The following SNX19 variants were observed in gnomAD, a reference collection of about 807,000 sequenced individuals.
The protein encoded by SNX19 is sorting nexin 19, also known as sorting nexin-19.
SNX19 carries 60 observed loss-of-function variants against 85.2 expected under a neutral mutation model. The observed-to-expected ratio is 0.70, with a 90% confidence interval of 0.57 to 0.87. The LOEUF is 0.87. Ranked by LOEUF, SNX19 falls within the 40% of genes least tolerant of loss-of-function variation. The pLI, the probability that SNX19 is intolerant of heterozygous loss-of-function variation, is 0.00. For synonymous variants in SNX19, 520 were observed against 470.0 expected (o/e 1.11, Z -1.38); for missense variants, 1,201 against 1,217.8 (o/e 0.99, Z 0.21).
chr11:130,883,349 C>A (rs1432070368), intron 8 of SNX19, among the ~76,000 whole-genome samples: 1 of 152,138 alleles, frequency 6.6e-6, no homozygotes, highest in East Asian at 1.9e-4. Context: ...GTATCAGCTG[C>A]TGATGAGACA....
chr11:130,915,071 G>A lies in SNX19; in HGVS notation c.869C>T (p.Ser290Phe). ...SAPEQPSVPTSLPLIAEVEQL... is the reference protein window; with the variant it reads ...SAPEQPSVPTFLPLIAEVEQL... ...CTCTACCTCAGCAATCAGTGGCAGA[G>A]ATGTCGGCACTGAGGGCTGTTCGGG... is the stretch of plus-strand genomic sequence containing the variant. Residue 290 changes from serine to phenylalanine, a missense_variant, in exon 1 of 11, where the codon TCT becomes TTT. Around this residue, in one of 3 missense-constraint regions of SNX19, gnomAD observed 791 missense variants for 750.9 expected, o/e 1.05. Coordinates refer to ENST00000265909, the MANE Select transcript of SNX19 (RefSeq NM_014758.3). 6.2e-7 allele frequency: 1 copy of A among 1,614,118 alleles called. No individual in the cohort carries two copies. Among genetic ancestry groups the A allele is most frequent in the Non-Finnish European group, 8.5e-7 (1 of 1,179,998 alleles).
At chr11:130,903,747 A>ACACG (rs1407850393) in intron 7 of SNX19, among the ~76,000 whole-genome samples, 1 of 150,554 alleles carries the variant, frequency 6.6e-6, no homozygotes, top group African/African-American at 2.5e-5. Flanking sequence ...ACACACACAC[A>ACACG]CACGCACTTA....
chr11:130,866,782 C>T lies in SNX19; in HGVS notation c.*11640G>A, dbSNP rs1252327207. On this transcript the variant is annotated 3_prime_UTR_variant, in exon 11 of 11. Transcript: ENST00000265909. The stretch of plus-strand genomic sequence containing the variant: ...AAACACTGAAGGCTTTAGGTTCATA[C>T]CTGTATACGAAGGATAGTCCTGGTG... The T allele has an allele frequency of 1.3e-5, 2 of 152,190 alleles. No individual in the cohort carries two copies. Among genetic ancestry groups the T allele is most frequent in the Non-Finnish European group, 2.9e-5 (2 of 68,038 alleles). The allele number at this position is 152,190 out of a possible 1,614,324, so 9.4% of individuals were successfully genotyped here.
rs750272464 is a variant in SNX19, at chr11:130,916,318, C to T, written c.-379G>A. 2.2e-4 allele frequency: 46 copies of T among 210,718 alleles called. No homozygotes were observed. The highest frequency in any genetic ancestry group is 3.8e-4 in the Non-Finnish European group (39 of 102,658). The allele number at this position is 210,718 out of a possible 1,614,324, so 13.1% of individuals were successfully genotyped here. On this transcript the variant is annotated 5_prime_UTR_variant, in exon 1 of 11. In the 5' UTR this introduces an upstream ATG that the reference lacks. Transcript: ENST00000265909. ...AGCGGCCGGCGAAGACTGGGTCACA[C>T]GCCGCCGGGAACCGCGCGCCCACAC...
chr11:130,899,320 C>A (rs1945093457), intron 8 of SNX19, among the ~76,000 whole-genome samples: 1 of 152,162 alleles, frequency 6.6e-6, no homozygotes, highest in African/African-American at 2.4e-5. Flanking sequence ...AGGTATGAGA[C>A]CATGGGCCAC....
chr11:130,914,304 C>T lies in SNX19; in HGVS notation c.1636G>A (p.Gly546Ser). The change falls in exon 1 of 11, where the codon GGC (glycine) becomes AGC (serine). Residue 546 changes from glycine to serine, a missense_variant. This residue lies in a region of SNX19 where 791 missense variants were observed against 750.9 expected (regional missense o/e 1.05). Coordinates refer to ENST00000265909, the MANE Select transcript of SNX19 (RefSeq NM_014758.3). ...TGTITAREHS[G>S]TGFHPYTLYT... ...AGTGTGTATGGGTGGAATCCAGTGC[C>T]ACTGTGCTCTCGGGCTGTAATGGTG... 3 of 1,603,478 alleles carry T rather than the reference C, an allele frequency of 1.9e-6. No individual in the cohort carries two copies. The highest frequency in any genetic ancestry group is 2.6e-6 in the Non-Finnish European group (3 of 1,174,572).
chr11:130,878,616 A>G, intron 10 of SNX19, 62 bp from the exon 11 acceptor site: 1 of 1,562,044 alleles, frequency 6.4e-7, no homozygotes, highest in Non-Finnish European at 8.7e-7. Flanking sequence ...GATCCTGTTT[A>G]TGACATTTAT....
Position 130,873,492 on chromosome 11 carries a change from A to C in SNX19, c.*4930T>G, listed in dbSNP as rs111962247. Among the ~76,000 whole-genome samples, 16 of 152,164 alleles carry C rather than the reference A, an allele frequency of 1.1e-4. No homozygotes were observed. Among genetic ancestry groups the C allele is most frequent in the Non-Finnish European group, 2.9e-5 (2 of 68,024 alleles). On this transcript the variant is annotated 3_prime_UTR_variant, in exon 11 of 11. Coordinates refer to ENST00000265909, the MANE Select transcript of SNX19 (RefSeq NM_014758.3). The stretch of plus-strand genomic sequence containing the variant: ...ATATACTACGTAGACTCAGAGGCAG[A>C]TTGACATGGTTTGTATCTAGGCTCT...
chr11:130,878,686 G>A, intron 10 of SNX19, 132 bp from the exon 11 acceptor site: 3 of 1,143,326 alleles, frequency 2.6e-6, no homozygotes, highest in Non-Finnish European at 3.6e-6. Context: ...CCTCTGCCAT[G>A]AAATTAATGT....
rs142257482 is a variant in SNX19, at chr11:130,891,864, A to G, written c.2574-11058T>C. On this transcript the variant is annotated intron_variant, in intron 8 of 10. Transcript: ENST00000265909. Reference sequence around the variant, plus strand: ...GTTTTTTCTTTTTTTTTTTTTTGAGACAGTCTCATTCTGTCGCCCAGGCTG... The same window carrying G: ...GTTTTTTCTTTTTTTTTTTTTTGAGGCAGTCTCATTCTGTCGCCCAGGCTG... Among the ~76,000 whole-genome samples the G allele has an allele frequency of 4.3e-3, 600 of 139,956 alleles. 5 individuals are homozygous for G. The highest frequency in any genetic ancestry group is 0.014 in the African/African-American group (550 of 38,384). The allele number at this position is 139,956 out of a possible 152,430, so 91.8% of individuals were successfully genotyped here.
intron 8 of SNX19, among the ~76,000 whole-genome samples, chr11:130,888,593 C>T (rs1270949232): frequency 1.3e-5 from 2 of 152,126 alleles, no homozygotes; most frequent in Non-Finnish European, 2.9e-5. Context: ...TCCCCATTGC[C>T]CTTCCCAAAT....
Position 130,916,026 on chromosome 11 carries a change from A to T in SNX19, c.-87T>A. On this transcript the variant is annotated 5_prime_UTR_variant, in exon 1 of 11. Coordinates refer to ENST00000265909, the MANE Select transcript of SNX19 (RefSeq NM_014758.3). Reference sequence around the variant, plus strand: ...GGAAGGGGGGCATGAACTGTGTCTCAGATATGGGGCGATCTGGGTGCTGTT... The same window carrying T: ...GGAAGGGGGGCATGAACTGTGTCTCTGATATGGGGCGATCTGGGTGCTGTT... 8.1e-7 allele frequency: 1 copy of T among 1,239,508 alleles called. No individual in the cohort carries two copies. Among genetic ancestry groups the T allele is most frequent in the Non-Finnish European group, 1.1e-6 (1 of 886,622 alleles). The allele number at this position is 1,239,508 out of a possible 1,614,324, so 76.8% of individuals were successfully genotyped here.
chr11:130,916,014 G>GAACT lies in SNX19; in HGVS notation c.-79_-76dup. The GAACT allele has an allele frequency of 7.4e-7, 1 of 1,359,872 alleles. No homozygotes were observed. The highest frequency in any genetic ancestry group is 1.0e-6 in the Non-Finnish European group (1 of 987,966). The allele number at this position is 1,359,872 out of a possible 1,614,324, so 84.2% of individuals were successfully genotyped here. On this transcript the variant is annotated 5_prime_UTR_variant, in exon 1 of 11. Coordinates refer to ENST00000265909, the MANE Select transcript of SNX19 (RefSeq NM_014758.3). ...CTTCAGAGTTAGGGAAGGGGGGCAT[G>GAACT]AACTGTGTCTCAGATATGGGGCGAT...
chr11:130,891,233 A>G (rs1469029377), intron 8 of SNX19, among the ~76,000 whole-genome samples: 2 of 152,220 alleles, frequency 1.3e-5, no homozygotes, highest in Admixed American at 1.3e-4. Context: ...TAGGCTAATA[A>G]TAAAATGAAA....
intron 8 of SNX19, among the ~76,000 whole-genome samples, chr11:130,895,855 G>A (rs1391681082): frequency 6.6e-6 from 1 of 152,194 alleles, no homozygotes; most frequent in Non-Finnish European, 1.5e-5. Context: ...TAAGATGGGT[G>A]TAGAATAAGT....
At chr11:130,910,784 T>C (rs1946045392) in intron 2 of SNX19, among the ~76,000 whole-genome samples, 1 of 152,242 alleles carries the variant, frequency 6.6e-6, no homozygotes, top group Non-Finnish European at 1.5e-5. Flanking sequence ...GTATTAGCTA[T>C]TGTGTTAAGA....
In SNX19 at chr11:130,916,139, A is replaced by C; in HGVS notation, c.-200T>G. On this transcript the variant is annotated 5_prime_UTR_variant, in exon 1 of 11. Transcript: ENST00000265909. ...CCGCGTCTCCCCATGGCTACCACTA[A>C]CAGAGCCCTCCAACTCGCCCCTTCC... The C allele has an allele frequency of 1.7e-6, 1 of 588,850 alleles. No individual in the cohort carries two copies. Among genetic ancestry groups the C allele is most frequent in the Non-Finnish European group, 3.0e-6 (1 of 332,002 alleles). The allele number at this position is 588,850 out of a possible 1,614,324, so 36.5% of individuals were successfully genotyped here. A position where few individuals can be genotyped will look rare whatever the true frequency, so the allele number is the denominator to read the frequency against.
Position 130,915,523 on chromosome 11 carries a change from G to A in SNX19, c.417C>T (p.Val139=), listed in dbSNP as rs1946503856. ...EEMEAAMKGL[V]QELRRRMSVM... ...CGCTCATCCTTCTCCGAAGCTCCTG[G>A]ACCAACCCTTTCATGGCTGCCTCCA... is the stretch of plus-strand genomic sequence containing the variant. The change falls in exon 1 of 11, where the codon GTC becomes GTT. Residue 139 remains valine (V), a synonymous_variant. Transcript: ENST00000265909. 2 of 1,614,068 alleles carry A rather than the reference G, an allele frequency of 1.2e-6. No homozygotes were observed. The highest frequency in any genetic ancestry group is 1.1e-5 in the South Asian group (1 of 91,080).
At chr11:130,908,176 G>T (rs1349678757) in intron 4 of SNX19, 93 bp from the exon 5 acceptor site, 1 of 1,448,686 alleles carries the variant, frequency 6.9e-7, no homozygotes, top group Non-Finnish European at 9.3e-7. Context: ...TATGCAACAG[G>T]ACAAGGAGAG....
Sources: allele counts gnomAD v4.1 joint callset (sites outside exome capture counted in the v4.1 genomes callset), GRCh38; gene constraint gnomAD v4.1.1; regional missense constraint gnomAD v4.1.1; transcripts MANE v1.5; gene names NCBI Gene and HGNC (gene_info 2026-07-23, HGNC 2026-07-21).